MAGI2: variants seen among roughly 807,000 people sequenced by gnomAD.
The protein encoded by MAGI2 is membrane-associated guanylate kinase, WW and PDZ domain-containing protein 2.
A neutral mutation model predicts 133.3 loss-of-function variants in MAGI2; 35 were observed. That is an observed-to-expected ratio of 0.26 (90% CI 0.20 to 0.35). The LOEUF is 0.35. Ranked by LOEUF, MAGI2 falls within the 10% of genes least tolerant of loss-of-function variation. The pLI, the probability that MAGI2 is intolerant of heterozygous loss-of-function variation, is 1.00. For synonymous variants in MAGI2, 729 were observed against 710.6 expected (o/e 1.03, Z -0.41); for missense variants, 1,636 against 1,863.4 (o/e 0.88, Z 2.25).
At chr7:78,278,441 G>A (rs1177451627) in intron 9 of MAGI2, among the ~76,000 whole-genome samples, 1 of 152,092 alleles carries the variant, frequency 6.6e-6, no homozygotes, top group Non-Finnish European at 1.5e-5. Flanking sequence ...GTTTTTATAA[G>A]CTCTCTGAAA....
intron 5 of MAGI2, 56 bp downstream of exon 5, chr7:78,501,521 A>G: frequency 7.0e-7 from 1 of 1,422,426 alleles, no homozygotes; most frequent in Non-Finnish European, 9.8e-7. Context: ...TTGCTACATC[A>G]TTTATATCCC....
intron 1 of MAGI2, among the ~76,000 whole-genome samples, chr7:79,294,551 T>A (rs1206485717): frequency 6.6e-6 from 1 of 151,996 alleles, no homozygotes; most frequent in Non-Finnish European, 1.5e-5. Context: ...AGAGTCCTTT[T>A]TACTTGGCTG....
chr7:79,297,291 G>T (rs190821341), intron 1 of MAGI2, among the ~76,000 whole-genome samples: 34 of 152,290 alleles, frequency 2.2e-4, no homozygotes, highest in Non-Finnish European at 3.8e-4. Flanking sequence ...TACTAGAGAT[G>T]CCAGGAGGAA....
At chr7:78,694,780 T>C (rs1817328042) in intron 2 of MAGI2, among the ~76,000 whole-genome samples, 1 of 152,234 alleles carries the variant, frequency 6.6e-6, no homozygotes, top group South Asian at 2.1e-4. Flanking sequence ...TAAAAGCTGG[T>C]AATATCTACC....
At chr7:79,313,943 C>T (rs944479984) in intron 1 of MAGI2, among the ~76,000 whole-genome samples, 1 of 151,782 alleles carries the variant, frequency 6.6e-6, no homozygotes, top group Non-Finnish European at 1.5e-5. Context: ...GCTGAGACTA[C>T]AGGAACACAC....
chr7:78,453,201 C>T (rs146932422), intron 6 of MAGI2, among the ~76,000 whole-genome samples: 2 of 152,246 alleles, frequency 1.3e-5, no homozygotes, highest in East Asian at 1.9e-4. Context: ...GAATATTTCT[C>T]GACATGTACA....
chr7:78,088,365 C>G (rs2151209537), intron 20 of MAGI2, among the ~76,000 whole-genome samples: 1 of 152,164 alleles, frequency 6.6e-6, no homozygotes, highest in East Asian at 1.9e-4. Context: ...CTTTACATCT[C>G]TCTCTCAGAC....
chr7:78,593,358 C>T (rs935437575), intron 3 of MAGI2, among the ~76,000 whole-genome samples: 3 of 151,992 alleles, frequency 2.0e-5, no homozygotes, highest in Non-Finnish European at 2.9e-5. Context: ...CACTACTGCA[C>T]TCCAGCCTGG....
chr7:78,975,789 A>G (rs956097725), intron 2 of MAGI2, among the ~76,000 whole-genome samples: 2 of 151,704 alleles, frequency 1.3e-5, no homozygotes, highest in African/African-American at 2.4e-5. Context: ...ATCAAGAAAA[A>G]AAGGGAGATG....
At chr7:78,645,784 A>G (rs2150999778) in intron 2 of MAGI2, among the ~76,000 whole-genome samples, 1 of 150,500 alleles carries the variant, frequency 6.6e-6, no homozygotes, top group Non-Finnish European at 1.5e-5. Context: ...TGTTGCCCAG[A>G]CTGGAGTGCA....
At chr7:78,895,677 G>A (rs894021549) in intron 2 of MAGI2, among the ~76,000 whole-genome samples, 3 of 151,934 alleles carry the variant, frequency 2.0e-5, no homozygotes, top group Admixed American at 1.3e-4. Context: ...CCAAGGGCTC[G>A]CTATTAAACA....
intron 6 of MAGI2, among the ~76,000 whole-genome samples, chr7:78,414,816 G>A (rs1798160234): frequency 6.6e-6 from 1 of 152,016 alleles, no homozygotes; most frequent in African/African-American, 2.4e-5. Flanking sequence ...AACTAACCTT[G>A]TTTAAATATG....
At chr7:78,914,697 T>A (rs1325323749) in intron 2 of MAGI2, among the ~76,000 whole-genome samples, 1 of 152,142 alleles carries the variant, frequency 6.6e-6, no homozygotes, top group Non-Finnish European at 1.5e-5. Flanking sequence ...AGAAATATAT[T>A]GTTAGAGAAA....
chr7:78,223,966 T>C (rs542699214), intron 10 of MAGI2, among the ~76,000 whole-genome samples: 20 of 152,322 alleles, frequency 1.3e-4, no homozygotes, highest in African/African-American at 4.6e-4. Flanking sequence ...CTTGGTACAA[T>C]TGACTTGCAG....
intron 4 of MAGI2, among the ~76,000 whole-genome samples, chr7:78,521,192 T>G (rs1189555357): frequency 1.5e-5 from 2 of 136,094 alleles, no homozygotes. Flanking sequence ...CCAAAAATGT[T>G]TTTGGCATAT....
chr7:78,639,219 C>G (rs1290954175), intron 2 of MAGI2, among the ~76,000 whole-genome samples: 1 of 152,174 alleles, frequency 6.6e-6, no homozygotes, highest in Non-Finnish European at 1.5e-5. Context: ...TAGTAGAATA[C>G]AGAGTCTACA....
At chr7:78,080,671 C>G (rs766814698) in intron 20 of MAGI2, among the ~76,000 whole-genome samples, 59 of 152,220 alleles carry the variant, frequency 3.9e-4, no homozygotes, top group Non-Finnish European at 7.2e-4. Context: ...ACACGTCCAG[C>G]TGATTACTAA....
rs59881896 is a variant in MAGI2, at chr7:79,449,877, C to CATATATATATATATATATATATAT, written c.301+3142_301+3143insATATATATATATATATATATATAT. ...GTGTAGAAACACTGTGAGATATATA[C>CATATATATATATATATATATATAT]ATATATATATATATATATATAATGT... On this transcript the variant is annotated intron_variant, in intron 1 of 21. Coordinates refer to ENST00000354212, the MANE Select transcript of MAGI2 (RefSeq NM_012301.4). Among the ~76,000 whole-genome samples the CATATATATATATATATATATATAT allele has an allele frequency of 8.9e-4, 107 of 120,584 alleles. 2 individuals carry two copies. Among genetic ancestry groups the CATATATATATATATATATATATAT allele is most frequent in the African/African-American group, 2.9e-3 (98 of 33,464 alleles). 79.1% of individuals were successfully genotyped at this position (120,584 alleles called of 152,430 possible).
chr7:79,147,582 C>G (rs1298366771), intron 1 of MAGI2, among the ~76,000 whole-genome samples: 1 of 152,142 alleles, frequency 6.6e-6, no homozygotes, highest in East Asian at 1.9e-4. Flanking sequence ...GTCAGTGAAC[C>G]CTTTGATGTC....
Sources: gnomAD v4.1 joint callset for allele counts (sites outside exome capture counted in the v4.1 genomes callset) on GRCh38, gnomAD v4.1.1 for gene constraint, MANE v1.5 for transcripts, NCBI Gene and HGNC (gene_info 2026-07-23, HGNC 2026-07-21) for gene names.